The following GK variants were observed in gnomAD, a reference collection of about 807,000 sequenced individuals.
GK encodes ATP:glycerol 3-phosphotransferase.
GK carries 9 observed loss-of-function variants against 56.4 expected under a neutral mutation model. That is an observed-to-expected ratio of 0.16 (90% confidence interval 0.10 to 0.28). GK has a LOEUF of 0.28. Among genes scored for constraint, GK ranks in the 10% least tolerant of loss-of-function variants. The probability of loss-of-function intolerance (pLI) is 1.00; values close to 1 mark genes in which losing one functional copy is unlikely to be tolerated. For missense variants in GK, 161 were observed against 431.4 expected (o/e 0.37, Z 5.55); for synonymous variants, 104 against 144.1 (o/e 0.72, Z 1.99).
chrX:30,728,660 A>C, intron 20 of GK, 72 bp from the exon 21 acceptor site: 1 of 677,417 alleles, frequency 1.5e-6, no homozygotes, highest in Non-Finnish European at 2.4e-6. Context: ...TGATTGAATC[A>C]TCTGCATTGC....
At chrX:30,700,065 C>CAAT (rs1465523236) in intron 9 of GK, 3 of 155,071 alleles carry the variant, frequency 1.9e-5, no homozygotes, top group Non-Finnish European at 3.7e-5. Flanking sequence ...TGAACTTGAG[C>CAAT]AATCACGTAG....
intron 1 of GK, 106 bp from the exon 2 acceptor site, chrX:30,665,405 A>G (rs1031199948): frequency 1.9e-6 from 1 of 529,515 alleles, no homozygotes; most frequent in Non-Finnish European, 3.4e-6. Context: ...ATTTCATCTA[A>G]TTGGACTTTT....
chrX:30,677,843 A>AG, intron 4 of GK: 1 of 323,899 alleles, frequency 3.1e-6, no homozygotes. Context: ...AAAAAGAAAG[A>AG]AAAAAAAAAA....
chrX:30,699,241 A>AACATGTTATATAT (rs1935460809), intron 9 of GK, among the ~76,000 whole-genome samples: 1 of 99,386 alleles, frequency 1.0e-5, no homozygotes, highest in African/African-American at 3.8e-5. Flanking sequence ...TGTTATGTAT[A>AACATGTTATATAT]ACATGTTATA....
intron 13 of GK, among the ~76,000 whole-genome samples, chrX:30,714,406 A>G (rs1402529569): frequency 9.0e-6 from 1 of 111,466 alleles, no homozygotes; most frequent in Non-Finnish European, 1.9e-5. Flanking sequence ...ATCTGCTTCC[A>G]GGTTCATTCA....
At chrX:30,684,063 T>TGTAA (rs113205585) in intron 4 of GK, among the ~76,000 whole-genome samples, 1 of 110,701 alleles carries the variant, frequency 9.0e-6, no homozygotes, top group African/African-American at 3.3e-5. Context: ...CTGGTTGTCT[T>TGTAA]CTATTATTGA....
chrX:30,718,465 C>T, intron 13 of GK, 73 bp from the exon 14 acceptor site: 1 of 674,707 alleles, frequency 1.5e-6, no homozygotes, highest in Non-Finnish European at 2.4e-6. Context: ...TTGTGTCATA[C>T]ACAGAATATG....
intron 19 of GK, among the ~76,000 whole-genome samples, chrX:30,726,045 T>G (rs1409521151): frequency 4.5e-5 from 5 of 111,071 alleles, no homozygotes; most frequent in African/African-American, 1.6e-4. Flanking sequence ...GTTGAGGATG[T>G]AATTTTAACT....
chrX:30,668,372 T>C (rs761999783), intron 3 of GK, among the ~76,000 whole-genome samples: 136 of 111,893 alleles, frequency 1.2e-3, no homozygotes, highest in Middle Eastern at 4.7e-3. Flanking sequence ...AAAAACCAAG[T>C]GGTATGGTGG....
chrX:30,723,229 A>G (rs1429327334), intron 18 of GK, among the ~76,000 whole-genome samples: 2 of 109,574 alleles, frequency 1.8e-5, no homozygotes, highest in African/African-American at 6.6e-5. Flanking sequence ...CCCCATCTCT[A>G]CTAGAAATAC....
rs1935146438 is a variant in GK at position 30,694,549 on chromosome X, T to G, written c.552+12T>G. 2.5e-6 allele frequency: 3 copies of G among 1,182,781 alleles called. No individual in the cohort carries two copies. The highest frequency in any genetic ancestry group is 3.0e-5 in the East Asian group (1 of 33,686). On this transcript the variant is annotated intron_variant, in intron 6 of 20. Coordinates refer to ENST00000427190, the MANE Select transcript of GK (RefSeq NM_001205019.2). Reference sequence around the variant, plus strand: ...CATGGCTTATTTGGGTATGTTTAAATATAATGGATATATGGAGAATTTTTT... The same window carrying G: ...CATGGCTTATTTGGGTATGTTTAAAGATAATGGATATATGGAGAATTTTTT...
chrX:30,653,746 C>G, intron 1 of GK, 131 bp downstream of exon 1: 2 of 602,366 alleles, frequency 3.3e-6, no homozygotes, highest in Admixed American at 2.7e-5. Flanking sequence ...GGAGGGAGGC[C>G]GGAACGGGAC....
intron 19 of GK, among the ~76,000 whole-genome samples, chrX:30,725,785 G>T (rs1937102497): frequency 9.0e-6 from 1 of 110,659 alleles, no homozygotes; most frequent in Non-Finnish European, 1.9e-5. Flanking sequence ...CTGAGTAGCT[G>T]GGATTACAGG....
intron 3 of GK, among the ~76,000 whole-genome samples, chrX:30,672,620 C>G (rs1293623803): frequency 8.9e-6 from 1 of 111,806 alleles, no homozygotes; most frequent in Non-Finnish European, 1.9e-5. Context: ...TCGAGACCAG[C>G]CTGACCAACA....
At chrX:30,672,589 G>A (rs769177412) in intron 3 of GK, among the ~76,000 whole-genome samples, 2 of 111,972 alleles carry the variant, frequency 1.8e-5, no homozygotes, top group African/African-American at 3.2e-5. Context: ...TGAGGCGGGC[G>A]GATCACCTGA....
At chrX:30,674,553 C>G (rs1420955310) in intron 3 of GK, 2 of 215,248 alleles carry the variant, frequency 9.3e-6, no homozygotes, top group East Asian at 2.3e-4. Flanking sequence ...TCTCCTTTCT[C>G]TTCTTTATTT....
chrX:30,694,045 A>T (rs753486234), intron 5 of GK, among the ~76,000 whole-genome samples: 33 of 112,192 alleles, frequency 2.9e-4, no homozygotes, highest in Non-Finnish European at 5.3e-4. Context: ...TGTCATTTTT[A>T]TGGAATATAA....
At chrX:30,675,769 A>G (rs1236738205) in intron 3 of GK, among the ~76,000 whole-genome samples, 1 of 109,923 alleles carries the variant, frequency 9.1e-6, no homozygotes, top group Non-Finnish European at 1.9e-5. Flanking sequence ...AGCTGGGACT[A>G]AAGGAACACA....
At chrX:30,689,595 T>C (rs1428652762) in intron 4 of GK, 3 of 330,543 alleles carry the variant, frequency 9.1e-6, no homozygotes, top group South Asian at 7.8e-5. Context: ...TCCCACTTCA[T>C]GAGGGCAGCA....
Sources: gnomAD v4.1 joint callset for allele counts (sites outside exome capture counted in the v4.1 genomes callset) on GRCh38, gnomAD v4.1.1 for gene constraint, MANE v1.5 for transcripts, NCBI Gene and HGNC (gene_info 2026-07-23, HGNC 2026-07-21) for gene names.